Variants in GPC5 observed in about 807,000 individuals in gnomAD.
The protein encoded by GPC5 is glypican-5.
Under a neutral mutation model 53.9 loss-of-function variants are expected in GPC5, and 47 were observed. The ratio of observed to expected loss-of-function variants is 0.87; its 90% confidence interval spans 0.69 to 1.11. The LOEUF (loss-of-function observed/expected upper bound fraction) is 1.11. GPC5 is among the 50% of genes most tolerant of loss of function. The pLI is 0.00. For missense variants in GPC5, 748 were observed against 713.1 expected (o/e 1.05, Z -0.56); for synonymous variants, 286 against 263.3 (o/e 1.09, Z -0.84).
At chr13:91,627,829 A>G (rs1441299490) in intron 2 of GPC5, among the ~76,000 whole-genome samples, 1 of 152,148 alleles carries the variant, frequency 6.6e-6, no homozygotes, top group African/African-American at 2.4e-5. Flanking sequence ...CTGTAATAAC[A>G]TATTATGTTC....
At chr13:92,190,332 G>A (rs2042214806) in intron 7 of GPC5, among the ~76,000 whole-genome samples, 1 of 152,096 alleles carries the variant, frequency 6.6e-6, no homozygotes, top group Non-Finnish European at 1.5e-5. Context: ...AATCTTAAGT[G>A]CTTCAGAGAG....
At chr13:91,491,155 T>C (rs1883923023) in intron 2 of GPC5, among the ~76,000 whole-genome samples, 1 of 152,212 alleles carries the variant, frequency 6.6e-6, no homozygotes, top group South Asian at 2.1e-4. Context: ...GTGGCCTCTG[T>C]GTCAGACTAG....
intron 7 of GPC5, among the ~76,000 whole-genome samples, chr13:92,710,356 G>GTGAC (rs1233009397): frequency 6.6e-6 from 1 of 152,096 alleles, no homozygotes; most frequent in Non-Finnish European, 1.5e-5. Flanking sequence ...CCATCCTAAT[G>GTGAC]TGACAGAGAA....
chr13:91,735,955 T>C (rs1209098051), intron 4 of GPC5, among the ~76,000 whole-genome samples: 1 of 151,360 alleles, frequency 6.6e-6, no homozygotes, highest in East Asian at 1.9e-4. Context: ...TCAGAAGCAA[T>C]GAACACATTT....
intron 1 of GPC5, among the ~76,000 whole-genome samples, chr13:91,445,080 T>C (rs1160197118): frequency 6.6e-6 from 1 of 152,208 alleles, no homozygotes; most frequent in Non-Finnish European, 1.5e-5. Context: ...AAATTATTTT[T>C]CCCTTCTTCA....
intron 7 of GPC5, among the ~76,000 whole-genome samples, chr13:92,182,531 G>A (rs918562987): frequency 6.6e-6 from 1 of 152,098 alleles, no homozygotes; most frequent in African/African-American, 2.4e-5. Context: ...AAATTGTTAT[G>A]CCAAAGTTCT....
intron 7 of GPC5, among the ~76,000 whole-genome samples, chr13:92,731,995 A>G (rs1339254996): frequency 6.6e-6 from 1 of 151,426 alleles, no homozygotes; most frequent in South Asian, 2.1e-4. Flanking sequence ...TAAAAGTACC[A>G]TAAGAATCTG....
chr13:92,572,270 A>G (rs1414015200), intron 7 of GPC5, among the ~76,000 whole-genome samples: 2 of 152,222 alleles, frequency 1.3e-5, no homozygotes, highest in Non-Finnish European at 2.9e-5. Context: ...TCATTTTCAT[A>G]GTAAAAATAC....
intron 7 of GPC5, among the ~76,000 whole-genome samples, chr13:92,279,119 G>A (rs2042895768): frequency 6.6e-6 from 1 of 151,856 alleles, no homozygotes; most frequent in South Asian, 2.1e-4. Flanking sequence ...GGAAAGTTTT[G>A]TTCTATTAAC....
chr13:91,521,720 A>G (rs1418668295), intron 2 of GPC5, among the ~76,000 whole-genome samples: 1 of 152,210 alleles, frequency 6.6e-6, no homozygotes, highest in African/African-American at 2.4e-5. Context: ...TGCAGGGAAC[A>G]CCAGTTGGGT....
chr13:91,552,970 T>C (rs1010135236), intron 2 of GPC5, among the ~76,000 whole-genome samples: 1 of 152,136 alleles, frequency 6.6e-6, no homozygotes, highest in Admixed American at 6.6e-5. Flanking sequence ...AGGCATGGTA[T>C]TAAATTTAAT....
intron 6 of GPC5, among the ~76,000 whole-genome samples, chr13:92,142,942 ATTC>A (rs1425028112): frequency 6.6e-6 from 1 of 152,190 alleles, no homozygotes; most frequent in Non-Finnish European, 1.5e-5. Flanking sequence ...TTTTTAACTA[ATTC>A]TTTCAATTAA....
At chr13:91,434,299 T>A (rs1426704284) in intron 1 of GPC5, among the ~76,000 whole-genome samples, 1 of 152,196 alleles carries the variant, frequency 6.6e-6, no homozygotes, top group Non-Finnish European at 1.5e-5. Flanking sequence ...TGAATGGTAT[T>A]GCCTAGGTTT....
intron 6 of GPC5, among the ~76,000 whole-genome samples, chr13:92,125,056 T>C (rs1218644817): frequency 6.6e-6 from 1 of 152,156 alleles, no homozygotes; most frequent in African/African-American, 2.4e-5. Context: ...TTGCTGGCAT[T>C]CCCTCTTGCC....
At chr13:91,996,789 C>A (rs2040507472) in intron 6 of GPC5, among the ~76,000 whole-genome samples, 1 of 152,024 alleles carries the variant, frequency 6.6e-6, no homozygotes, top group South Asian at 2.1e-4. Context: ...ACATTGTATT[C>A]TTTTTTGTCT....
intron 7 of GPC5, among the ~76,000 whole-genome samples, chr13:92,285,595 C>A (rs1254297117): frequency 6.6e-6 from 1 of 152,150 alleles, no homozygotes; most frequent in Non-Finnish European, 1.5e-5. Context: ...CACACATCTA[C>A]AACCATCTGA....
chr13:91,697,672 A>T (rs1195822238), intron 3 of GPC5, among the ~76,000 whole-genome samples: 1 of 152,088 alleles, frequency 6.6e-6, no homozygotes, highest in East Asian at 1.9e-4. Flanking sequence ...TTAATAAATT[A>T]TTAATTCATT....
chr13:91,601,389 A>T (rs2139236172), intron 2 of GPC5, among the ~76,000 whole-genome samples: 1 of 152,314 alleles, frequency 6.6e-6, no homozygotes, highest in African/African-American at 2.4e-5. Context: ...TAGAGATAAA[A>T]TAAGGGAGAA....
At chr13:92,362,356 A>C (rs1239965510) in intron 7 of GPC5, among the ~76,000 whole-genome samples, 1 of 151,810 alleles carries the variant, frequency 6.6e-6, no homozygotes, top group Non-Finnish European at 1.5e-5. Flanking sequence ...AAATTTATGG[A>C]AACATTATAA....
Sources: allele counts gnomAD v4.1 joint callset (sites outside exome capture counted in the v4.1 genomes callset), GRCh38; gene constraint gnomAD v4.1.1; transcripts MANE v1.5; gene names NCBI Gene and HGNC (gene_info 2026-07-23, HGNC 2026-07-21).